ZNF430: variants seen among roughly 807,000 people sequenced by gnomAD.
The protein encoded by ZNF430 is zinc finger protein 430.
ZNF430 carries 35 observed loss-of-function variants against 56.7 expected under a neutral mutation model. That is an observed-to-expected ratio of 0.62 (90% CI 0.47 to 0.82). The LOEUF (loss-of-function observed/expected upper bound fraction) is 0.82. Among genes scored for constraint, ZNF430 ranks in the 40% least tolerant of loss-of-function variants. ZNF430 has a pLI of 0.00. For synonymous variants in ZNF430, 212 were observed against 224.3 expected (o/e 0.94, Z 0.49); for missense variants, 574 against 661.0 (o/e 0.87, Z 1.44).
intron 4 of ZNF430, among the ~76,000 whole-genome samples, chr19:21,038,335 A>C (rs1412900843): frequency 6.6e-6 from 1 of 152,100 alleles, no homozygotes; most frequent in African/African-American, 2.4e-5. Flanking sequence ...TTATATATAA[A>C]AGGTTTCATT....
intron 4 of ZNF430, among the ~76,000 whole-genome samples, chr19:21,039,166 C>G (rs1364667968): frequency 6.6e-6 from 1 of 152,122 alleles, no homozygotes; most frequent in African/African-American, 2.4e-5. Flanking sequence ...CCAGGCTGGT[C>G]TCAAACTCCT....
rs979223407 is a variant in ZNF430, at chr19:21,020,663, C to G, written c.-138C>G. The G allele has an allele frequency of 2.3e-6, 3 of 1,314,300 alleles. No homozygotes were observed. Among genetic ancestry groups the G allele is most frequent in the Non-Finnish European group, 2.2e-6 (2 of 929,428 alleles). 81.4% of individuals were successfully genotyped at this position (1,314,300 alleles called of 1,614,324 possible). A position where few individuals can be genotyped will look rare whatever the true frequency, so the allele number is the denominator to read the frequency against. ...CGGGTTTGGCGGGGCCTTTGTCCCT[C>G]GCTGTGGCCTGAGCTCCAGGTCTCG... On this transcript the variant is annotated 5_prime_UTR_variant, in exon 1 of 5. Coordinates refer to ENST00000261560, the MANE Select transcript of ZNF430 (RefSeq NM_025189.4).
chr19:21,051,167 T>G (rs900857527), intron 4 of ZNF430, among the ~76,000 whole-genome samples: 1 of 152,220 alleles, frequency 6.6e-6, no homozygotes, highest in Non-Finnish European at 1.5e-5. Context: ...TCTGGCACTT[T>G]GCAAGCACCA....
At position 21,047,577 on chromosome 19, in the gene ZNF430, T is replaced by A. The variant is rs548898742; in HGVS notation, c.323-9054T>A. ...TGCTTTCTGTTTGTTTTTCTAACCA[T>A]CAGGCCACTTTTCTGTAGCACTGTT... is the stretch of plus-strand genomic sequence containing the variant. On this transcript the variant is annotated intron_variant, in intron 4 of 4. Coordinates refer to ENST00000261560, the MANE Select transcript of ZNF430 (RefSeq NM_025189.4). 2.8e-3 allele frequency among the ~76,000 whole-genome samples: 426 copies of A among 152,316 alleles called. 2 individuals are homozygous for A. Among genetic ancestry groups the A allele is most frequent in the Non-Finnish European group, 3.7e-3 (249 of 68,036 alleles).
intron 4 of ZNF430, among the ~76,000 whole-genome samples, chr19:21,042,686 G>A (rs1014670252): frequency 6.6e-6 from 1 of 152,062 alleles, no homozygotes; most frequent in Non-Finnish European, 1.5e-5. Flanking sequence ...TACTTGGGAG[G>A]CTGAGGTAGG....
At chr19:21,056,491 A>G in intron 4 of ZNF430, 140 bp from the exon 5 acceptor site, 1 of 632,634 alleles carries the variant, frequency 1.6e-6, no homozygotes, top group South Asian at 4.0e-5. Context: ...TCTGTCTAAA[A>G]AAAAAAAAAA....
chr19:21,046,265 G>T lies in ZNF430; in HGVS notation c.323-10366G>T, dbSNP rs1968184552. ...ACCTGGGAGGCAGATGTTGCAGTTA[G>T]TCAAGATTGTGCACTGCACTCCAGC... On this transcript the variant is annotated intron_variant, in intron 4 of 4. Coordinates refer to ENST00000261560, the MANE Select transcript of ZNF430 (RefSeq NM_025189.4). Among the ~76,000 whole-genome samples, 4 of 147,692 alleles carry T rather than the reference G, an allele frequency of 2.7e-5. No homozygotes were observed. The Admixed American group carries it at 2.8e-4, about 10-fold the overall frequency.
chr19:21,052,940 G>A (rs113989888), intron 4 of ZNF430, among the ~76,000 whole-genome samples: 1 of 152,116 alleles, frequency 6.6e-6, no homozygotes, highest in African/African-American at 2.4e-5. Context: ...TTAGTGCACA[G>A]GTCCCTCCCC....
intron 2 of ZNF430, 59 bp from the exon 3 acceptor site, chr19:21,033,397 A>T: frequency 6.4e-7 from 1 of 1,554,762 alleles, no homozygotes; most frequent in Non-Finnish European, 8.7e-7. Context: ...TCAAATAATA[A>T]ATTCTGCCCG....
chr19:21,032,556 C>T (rs112367579), intron 2 of ZNF430, among the ~76,000 whole-genome samples: 3 of 152,128 alleles, frequency 2.0e-5, no homozygotes, highest in African/African-American at 7.2e-5. Context: ...GGAGAAACCC[C>T]GTCTTTACTA....
At chr19:21,022,745 G>C (rs1435833940) in intron 1 of ZNF430, 44 bp from the exon 2 acceptor site, 4 of 1,293,974 alleles carry the variant, frequency 3.1e-6, no homozygotes, top group East Asian at 2.3e-5. Context: ...ATGTCAGTTA[G>C]AGTGTCTAGT....
rs780309666 is a variant in ZNF430 at position 21,057,259 on chromosome 19, C to T, written c.951C>T (p.Tyr317=). Residue 317 remains tyrosine, a synonymous_variant, in exon 5 of 5, where the codon TAC becomes TAT. Coordinates refer to ENST00000261560, the MANE Select transcript of ZNF430 (RefSeq NM_025189.4). ...GAATTCATACTGGAGAGAAACCCTA[C>T]AGATGTGAAGAATGTGGCAGAGCTT... ...HKRIHTGEKP[Y]RCEECGRAFN... is the part of the protein sequence containing the mutation. 2 of 1,613,392 alleles carry T rather than the reference C, an allele frequency of 1.2e-6. No individual in the cohort carries two copies. The highest frequency in any genetic ancestry group is 1.7e-6 in the Non-Finnish European group (2 of 1,179,892).
At chr19:21,023,053 A>G (rs958707838) in intron 2 of ZNF430, among the ~76,000 whole-genome samples, 172 bp downstream of exon 2, 1 of 152,220 alleles carries the variant, frequency 6.6e-6, no homozygotes, top group South Asian at 2.1e-4. Context: ...TGAAAGTAAA[A>G]TAGTGGAAAA....
intron 2 of ZNF430, among the ~76,000 whole-genome samples, chr19:21,032,945 G>T (rs1967929581): frequency 6.6e-6 from 1 of 152,040 alleles, no homozygotes; most frequent in African/African-American, 2.4e-5. Context: ...TTTTGTTTAT[G>T]CCCTTAATTT....
chr19:21,027,103 C>G (rs769179850), intron 2 of ZNF430, among the ~76,000 whole-genome samples: 1 of 152,082 alleles, frequency 6.6e-6, no homozygotes, highest in Non-Finnish European at 1.5e-5. Flanking sequence ...GCTGGGATTA[C>G]AGGCGTGAGC....
At chr19:21,037,436 T>G (rs1968023846) in intron 4 of ZNF430, among the ~76,000 whole-genome samples, 1 of 151,866 alleles carries the variant, frequency 6.6e-6, no homozygotes, top group Non-Finnish European at 1.5e-5. Context: ...TTTTTAAGAC[T>G]GAATAATATT....
At chr19:21,021,867 G>A (rs1967695151) in intron 1 of ZNF430, among the ~76,000 whole-genome samples, 1 of 116,220 alleles carries the variant, frequency 8.6e-6, no homozygotes, top group Admixed American at 1.1e-4. Flanking sequence ...ATGGAGTCTC[G>A]CTCTTGTCGC....
In ZNF430 at chr19:21,058,540, TA is replaced by T. The variant is rs1438325309; in HGVS notation, c.*525del. The T allele has an allele frequency of 1.2e-5, 2 of 161,648 alleles. No homozygotes were observed. The allele number at this position is 161,648 out of a possible 1,614,324, so 10.0% of individuals were successfully genotyped here. A position where few individuals can be genotyped will look rare whatever the true frequency, so the allele number is the denominator to read the frequency against. ...TGACAACACCTAAAACTTTTAAACATAAAAAATCATACTGGTGAGAAATCCT... is the reference window on the plus strand; with the variant it reads ...TGACAACACCTAAAACTTTTAAACATAAAAATCATACTGGTGAGAAATCCT... On this transcript the variant is annotated 3_prime_UTR_variant, in exon 5 of 5. Transcript: ENST00000261560.
chr19:21,033,815 C>G, intron 3 of ZNF430: 1 of 532,598 alleles, frequency 1.9e-6, no homozygotes, highest in Non-Finnish European at 3.1e-6. Context: ...AGATTAGTGG[C>G]AATTCCAGAA....
Sources: allele counts gnomAD v4.1 joint callset (sites outside exome capture counted in the v4.1 genomes callset), GRCh38; gene constraint gnomAD v4.1.1; transcripts MANE v1.5; gene names NCBI Gene and HGNC (gene_info 2026-07-23, HGNC 2026-07-21).